SPIRE1: variants seen among roughly 807,000 people sequenced by gnomAD.
SPIRE1 encodes spire type actin nucleation factor 1.
Under a neutral mutation model 94.1 loss-of-function variants are expected in SPIRE1, and 40 were observed. The observed-to-expected ratio is 0.43, with a 90% CI of 0.33 to 0.55. The LOEUF is 0.55. Among genes scored for constraint, SPIRE1 ranks in the 20% least tolerant of loss-of-function variants. SPIRE1 has a pLI of 0.06. For missense variants in SPIRE1, 838 were observed against 975.2 expected, an observed-to-expected ratio of 0.86 and a Z score of 1.87; for synonymous variants, 376 against 371.7, an observed-to-expected ratio of 1.01 and a Z score of -0.13.
intron 2 of SPIRE1, among the ~76,000 whole-genome samples, chr18:12,634,179 C>T (rs1347517025): frequency 1.3e-5 from 2 of 151,682 alleles, no homozygotes; most frequent in East Asian, 1.9e-4. Context: ...ACCCGGGAGG[C>T]GGAGCTTGCA....
At chr18:12,572,403 G>T (rs973023717) in intron 2 of SPIRE1, among the ~76,000 whole-genome samples, 3 of 151,856 alleles carry the variant, frequency 2.0e-5, no homozygotes, top group African/African-American at 7.3e-5. Flanking sequence ...GCCTCACACA[G>T]TGCTAGGATT....
intron 2 of SPIRE1, among the ~76,000 whole-genome samples, chr18:12,632,663 A>G (rs1315838581): frequency 6.6e-6 from 1 of 152,094 alleles, no homozygotes; most frequent in Non-Finnish European, 1.5e-5. Flanking sequence ...TCAGATTGAA[A>G]TTTTTGTTTC....
chr18:12,590,355 G>T (rs550043039), intron 2 of SPIRE1, among the ~76,000 whole-genome samples: 3 of 152,120 alleles, frequency 2.0e-5, no homozygotes, highest in Non-Finnish European at 4.4e-5. Context: ...CTCCCAAAGT[G>T]TTGGGATTAC....
chr18:12,523,671 A>G (rs1243478549), intron 4 of SPIRE1, among the ~76,000 whole-genome samples: 5 of 152,178 alleles, frequency 3.3e-5, no homozygotes, highest in Admixed American at 6.6e-5. Context: ...TTTTGTAGCA[A>G]TAAAGTATTT....
In SPIRE1 at chr18:12,468,241, G is replaced by A. The variant is rs562162569; in HGVS notation, c.1405-3283C>T. On this transcript the variant is annotated intron_variant, in intron 10 of 16. Transcript: ENST00000409402. ...AAATTCTAAAGAAAACTGAAAACATGAGGAAGCACAATCATCTGTATCTGA... is the reference window on the plus strand; with the variant it reads ...AAATTCTAAAGAAAACTGAAAACATAAGGAAGCACAATCATCTGTATCTGA... Among the ~76,000 whole-genome samples the A allele has an allele frequency of 2.0e-4, 30 of 152,316 alleles. No individual in the cohort carries two copies. The South Asian group carries it at 5.4e-3, about 27-fold the overall frequency.
chr18:12,551,150 G>A (rs2035335944), intron 2 of SPIRE1, among the ~76,000 whole-genome samples: 4 of 152,104 alleles, frequency 2.6e-5, no homozygotes, highest in Non-Finnish European at 5.9e-5. Context: ...CATAATGTTT[G>A]TTTATTGTCT....
chr18:12,453,655 C>T (rs888780470), intron 13 of SPIRE1, among the ~76,000 whole-genome samples: 8 of 151,814 alleles, frequency 5.3e-5, no homozygotes, highest in Admixed American at 1.3e-4. Context: ...AGGATGGTCT[C>T]GATCTCCTGA....
At chr18:12,499,265 C>A (rs2033572580) in intron 6 of SPIRE1, among the ~76,000 whole-genome samples, 2 of 151,930 alleles carry the variant, frequency 1.3e-5, no homozygotes, top group Admixed American at 6.6e-5. Flanking sequence ...GAGACCTATT[C>A]TTTCTCTATT....
intron 10 of SPIRE1, among the ~76,000 whole-genome samples, chr18:12,469,695 G>T (rs2032268815): frequency 1.5e-5 from 2 of 137,470 alleles, no homozygotes. Flanking sequence ...TATATAATTT[G>T]TATAATTTAT....
At chr18:12,492,540 G>A (rs1275455871) in intron 8 of SPIRE1, among the ~76,000 whole-genome samples, 1 of 151,982 alleles carries the variant, frequency 6.6e-6, no homozygotes, top group Non-Finnish European at 1.5e-5. Flanking sequence ...ATAATATTAC[G>A]GGTATCTTTA....
chr18:12,640,053 T>C (rs189921942), intron 1 of SPIRE1, among the ~76,000 whole-genome samples: 3 of 152,300 alleles, frequency 2.0e-5, no homozygotes, highest in Admixed American at 1.3e-4. Flanking sequence ...TTATAAATCT[T>C]AAATATTGAT....
At chr18:12,506,390 C>T in intron 6 of SPIRE1, 87 bp downstream of exon 6, 2 of 1,175,234 alleles carry the variant, frequency 1.7e-6, no homozygotes, top group East Asian at 4.7e-5. Flanking sequence ...AACTCCTGAC[C>T]TCAGATGATC....
intron 4 of SPIRE1, among the ~76,000 whole-genome samples, chr18:12,531,168 G>GTGAT (rs1462750046): frequency 4.6e-5 from 7 of 152,106 alleles, no homozygotes; most frequent in Admixed American, 2.0e-4. Flanking sequence ...CCAGAGTGCT[G>GTGAT]TGATTACAGG....
intron 2 of SPIRE1, among the ~76,000 whole-genome samples, chr18:12,571,859 G>A (rs1182396307): frequency 6.6e-6 from 1 of 152,188 alleles, no homozygotes; most frequent in Admixed American, 6.5e-5. Context: ...GGCCTTCACA[G>A]AGCTTTTGAC....
intron 1 of SPIRE1, chr18:12,656,557 C>T (rs1286840000): frequency 4.8e-6 from 1 of 206,360 alleles, no homozygotes; most frequent in Non-Finnish European, 8.5e-6. Context: ...TTTACTAATT[C>T]GAAATTACAT....
intron 2 of SPIRE1, among the ~76,000 whole-genome samples, chr18:12,604,257 G>T (rs972455102): frequency 6.6e-5 from 10 of 152,070 alleles, no homozygotes; most frequent in Non-Finnish European, 1.5e-4. Flanking sequence ...GGTCAGTCGT[G>T]TGAGGCTGAG....
At chr18:12,539,215 G>A (rs1394521918) in intron 3 of SPIRE1, among the ~76,000 whole-genome samples, 2 of 152,132 alleles carry the variant, frequency 1.3e-5, no homozygotes, top group African/African-American at 4.8e-5. Context: ...ATGTGTTGTG[G>A]GAGGGACCTG....
At chr18:12,456,890 C>G (rs747526102) in intron 12 of SPIRE1, among the ~76,000 whole-genome samples, 1 of 152,154 alleles carries the variant, frequency 6.6e-6, no homozygotes, top group African/African-American at 2.4e-5. Context: ...CAGGCTGGAG[C>G]ACAGTGGCAT....
rs553494748 is a variant in SPIRE1 at position 12,603,197 on chromosome 18, T to C, written c.372+31865A>G. 5.9e-5 allele frequency among the ~76,000 whole-genome samples: 9 copies of C among 152,318 alleles called. No individual in the cohort carries two copies. The South Asian group carries it at 1.9e-3, about 32-fold the overall frequency. On this transcript the variant is annotated intron_variant, in intron 2 of 16. Transcript: ENST00000409402. ...TACAACTGAATAACTGAACAATTTA[T>C]TGAATACAATATGGTTGTATGGGTA...
Sources: gnomAD v4.1 joint callset for allele counts (sites outside exome capture counted in the v4.1 genomes callset) on GRCh38, gnomAD v4.1.1 for gene constraint, MANE v1.5 for transcripts, NCBI Gene and HGNC (gene_info 2026-07-23, HGNC 2026-07-21) for gene names.